Variants in KANTR observed in about 807,000 individuals in gnomAD.
The protein encoded by KANTR is KDM5C adjacent transcript.
chrX:53,127,943 T>C (rs1933309364), downstream of KANTR, among the ~76,000 whole-genome samples: 1 of 111,076 alleles, frequency 9.0e-6, no homozygotes, highest in African/African-American at 3.3e-5. Flanking sequence ...GCTGGGCTCA[T>C]AGTAAGTGTT....
At chrX:53,140,673 T>G (rs1318365049) in intron 2 of KANTR, among the ~76,000 whole-genome samples, 1 of 110,251 alleles carries the variant, frequency 9.1e-6, no homozygotes, top group African/African-American at 3.3e-5. Flanking sequence ...CCCTCCAAAT[T>G]AGAAGTTTCC....
At chrX:53,116,809 C>T (rs1462667976) in intron 2 of KANTR, among the ~76,000 whole-genome samples, 1 of 111,714 alleles carries the variant, frequency 9.0e-6, no homozygotes, top group Non-Finnish European at 1.9e-5. Context: ...GCCATTCCAT[C>T]TATCTACTAT....
chrX:53,095,636 AG>A (rs1454673862), intron 1 of KANTR, among the ~76,000 whole-genome samples: 1 of 110,558 alleles, frequency 9.0e-6, no homozygotes, highest in Non-Finnish European at 1.9e-5. Context: ...ATATATGCAA[AG>A]ACTGGGATAT....
chrX:53,108,374 G>T (rs782577294), intron 2 of KANTR, among the ~76,000 whole-genome samples: 2 of 108,283 alleles, frequency 1.8e-5, no homozygotes, highest in Admixed American at 9.9e-5. Context: ...GCTAATTTTT[G>T]TATTTTTAGT....
intron 2 of KANTR, among the ~76,000 whole-genome samples, chrX:53,138,270 G>A (rs1284257367): frequency 1.6e-4 from 17 of 107,535 alleles, no homozygotes; most frequent in African/African-American, 4.3e-4. Flanking sequence ...GTTTCTCCAC[G>A]TTGGTCAGGC....
chrX:53,115,790 C>G (rs143710817), intron 2 of KANTR, among the ~76,000 whole-genome samples: 6 of 112,626 alleles, frequency 5.3e-5, no homozygotes, highest in Admixed American at 4.7e-4. Flanking sequence ...TTTTCCTACC[C>G]TCTTCAATGT....
At chrX:53,141,288 T>A (rs938019806) in intron 2 of KANTR, among the ~76,000 whole-genome samples, 36 of 112,237 alleles carry the variant, frequency 3.2e-4, no homozygotes, top group Non-Finnish European at 1.1e-4. Context: ...AGAGAGGGGC[T>A]GTGTGGGGGC....
chrX:53,095,633 C>T (rs1389276090), intron 1 of KANTR, among the ~76,000 whole-genome samples: 1 of 109,627 alleles, frequency 9.1e-6, no homozygotes, highest in East Asian at 2.8e-4. Flanking sequence ...CATATATATG[C>T]AAAGACTGGG....
chrX:53,095,304 C>T (rs782487536), intron 1 of KANTR, among the ~76,000 whole-genome samples: 6 of 111,749 alleles, frequency 5.4e-5, no homozygotes, highest in South Asian at 7.4e-4. Flanking sequence ...CTATTTCCAT[C>T]CTGAAATCCT....
intron 2 of KANTR, among the ~76,000 whole-genome samples, chrX:53,102,631 T>C (rs1214003781): frequency 7.1e-5 from 8 of 112,146 alleles, no homozygotes; most frequent in African/African-American, 2.3e-4. Context: ...GTTTTTCCAC[T>C]ATAGTTCCCC....
chrX:53,100,115 G>A (rs782815284), intron 2 of KANTR, among the ~76,000 whole-genome samples: 9 of 112,283 alleles, frequency 8.0e-5, no homozygotes, highest in East Asian at 2.8e-4. Flanking sequence ...TTGAAGCCAG[G>A]CATTGACTTC....
At chrX:53,134,163 A>G (rs1933392652) in intron 2 of KANTR, among the ~76,000 whole-genome samples, 1 of 111,275 alleles carries the variant, frequency 9.0e-6, no homozygotes, top group African/African-American at 3.3e-5. Flanking sequence ...GGAGTTCGAG[A>G]CCAGCCTGGC....
At chrX:53,134,245 T>TCC (rs1933393686) in intron 2 of KANTR, among the ~76,000 whole-genome samples, 1 of 110,438 alleles carries the variant, frequency 9.1e-6, no homozygotes, top group Non-Finnish European at 1.9e-5. Context: ...GCCTGTAATG[T>TCC]CAGCTGCTCG....
chrX:53,127,652 T>A (rs1405644095), downstream of KANTR, among the ~76,000 whole-genome samples: 1 of 111,644 alleles, frequency 9.0e-6, no homozygotes, highest in Non-Finnish European at 1.9e-5. Context: ...AGCCCCATAT[T>A]TTCTGACTGG....
chrX:53,126,283 A>G (rs1182852195), exon 3 of KANTR: 1 of 110,743 alleles, frequency 9.0e-6, no homozygotes, highest in Non-Finnish European at 1.9e-5. Context: ...CTCTTCAAAT[A>G]TTGCCTTTCA....
downstream of KANTR, chrX:53,127,546 A>T (rs1409264979): frequency 6.2e-5 from 7 of 112,205 alleles, no homozygotes; most frequent in Admixed American, 1.9e-4. Context: ...GAACTTGGAT[A>T]TCATTTTTCA....
chrX:53,124,354 A>G (rs782494405), exon 3 of KANTR: 31 of 294,902 alleles, frequency 1.1e-4, no homozygotes, highest in South Asian at 6.2e-4. Flanking sequence ...AGGTTTATCT[A>G]TTTTATTAGT....
chrX:53,125,261 CCTTTTA>C (rs1202211398), exon 3 of KANTR: 3 of 111,103 alleles, frequency 2.7e-5, no homozygotes, highest in East Asian at 5.6e-4. Context: ...AATTTTCCAT[CCTTTTA>C]CTTTTGAGCA....
At chrX:53,136,820 C>T (rs975056277) in intron 2 of KANTR, among the ~76,000 whole-genome samples, 1 of 90,360 alleles carries the variant, frequency 1.1e-5, no homozygotes. Flanking sequence ...CTCGGCTTAC[C>T]GCAACCTCCC....
Sources: allele counts gnomAD v4.1 joint callset (sites outside exome capture counted in the v4.1 genomes callset), GRCh38; gene constraint gnomAD v4.1.1; transcripts MANE v1.5; gene names NCBI Gene and HGNC (gene_info 2026-07-23, HGNC 2026-07-21).